The following AJAP1 variants were observed in gnomAD, a reference collection of about 807,000 sequenced individuals.
AJAP1 encodes adherens junctions associated protein 1.
A neutral mutation model predicts 35.0 loss-of-function variants in AJAP1; 5 were observed. The ratio of observed to expected loss-of-function variants is 0.14; its 90% CI spans 0.07 to 0.30. The LOEUF is 0.30. Among genes scored for constraint, AJAP1 ranks in the 10% least tolerant of loss-of-function variants. The probability of loss-of-function intolerance (pLI) is 1.00; values close to 1 mark genes in which losing one functional copy is unlikely to be tolerated. For synonymous variants in AJAP1, 284 were observed against 249.3 expected, an observed-to-expected ratio of 1.14 and a Z score of -1.31; for missense variants, 586 against 571.0, an observed-to-expected ratio of 1.03 and a Z score of -0.27.
chr1:4,680,293 G>A (rs888209812), intron 1 of AJAP1, among the ~76,000 whole-genome samples: 1 of 152,194 alleles, frequency 6.6e-6, no homozygotes, highest in Non-Finnish European at 1.5e-5. Context: ...GCACCCCGTA[G>A]CCCAGTCAAG....
At position 4,789,847 on chromosome 1, in the gene AJAP1, G is replaced by A. The variant is rs1642223517; in HGVS notation, c.*7362G>A. 6.6e-6 allele frequency: 1 copy of A among 150,650 alleles called. No individual in the cohort carries two copies. Among genetic ancestry groups the A allele is most frequent in the Non-Finnish European group, 1.5e-5 (1 of 67,836 alleles). 9.3% of individuals were successfully genotyped at this position (150,650 alleles called of 1,614,324 possible). ...CCATTATGTACGATGAAGACTTACA[G>A]CCACTGCTAATACAGCATAGGGGAC... On this transcript the variant is annotated 3_prime_UTR_variant, in exon 6 of 6. Coordinates refer to ENST00000378191, the MANE Select transcript of AJAP1 (RefSeq NM_018836.4). The surrounding 1 kb of genome is among the most constrained non-coding windows in gnomAD (Gnocchi z 4.4).
intron 2 of AJAP1, among the ~76,000 whole-genome samples, chr1:4,747,209 C>T (rs140653817): frequency 6.6e-6 from 1 of 152,178 alleles, no homozygotes; most frequent in East Asian, 1.9e-4. Flanking sequence ...CAGCCTCACT[C>T]CCTCCAGGAG....
At chr1:4,715,143 G>A (rs913382361) in intron 2 of AJAP1, among the ~76,000 whole-genome samples, 4 of 152,202 alleles carry the variant, frequency 2.6e-5, no homozygotes, top group South Asian at 4.1e-4. Flanking sequence ...GTCATCAGAT[G>A]CAGACCTGCG....
chr1:4,703,663 A>G (rs985616406), intron 1 of AJAP1, among the ~76,000 whole-genome samples: 1 of 152,160 alleles, frequency 6.6e-6, no homozygotes, highest in Non-Finnish European at 1.5e-5. Context: ...GGATGCTGAG[A>G]AAGAGGCCCA....
intron 1 of AJAP1, among the ~76,000 whole-genome samples, chr1:4,698,248 G>A (rs533633057): frequency 6.6e-6 from 1 of 152,008 alleles, no homozygotes; most frequent in African/African-American, 2.4e-5. Flanking sequence ...GCCTGAGGCC[G>A]GAGGACATGT....
chr1:4,711,396 A>C (rs184145225), intron 1 of AJAP1, among the ~76,000 whole-genome samples: 726 of 152,248 alleles, frequency 4.8e-3, no homozygotes, highest in African/African-American at 0.015. Flanking sequence ...GCGCTTCCCC[A>C]GTGGGCGGGG....
intron 1 of AJAP1, among the ~76,000 whole-genome samples, chr1:4,672,049 C>T (rs114418504): frequency 1.1e-4 from 17 of 152,328 alleles, no homozygotes; most frequent in African/African-American, 2.6e-4. Context: ...CTGAGACTCA[C>T]GGAGCTGCTT....
In AJAP1 at chr1:4,778,893, C is replaced by T. The variant is rs564769582; in HGVS notation, c.*60-3652C>T. Among the ~76,000 whole-genome samples, 393 of 152,298 alleles carry T rather than the reference C, an allele frequency of 2.6e-3. 1 individual carries two copies. Among genetic ancestry groups the T allele is most frequent in the Admixed American group, 4.4e-3 (68 of 15,294 alleles). ...TCACACCTCTGCCGCGTCTCTGAGC[C>T]TCATCCGGTGTTTTGATTCCCTACT... On this transcript the variant is annotated intron_variant, in intron 5 of 5. Coordinates refer to ENST00000378191, the MANE Select transcript of AJAP1 (RefSeq NM_018836.4).
intron 1 of AJAP1, among the ~76,000 whole-genome samples, chr1:4,702,136 T>C (rs1163860349): frequency 6.6e-6 from 1 of 151,952 alleles, no homozygotes; most frequent in Non-Finnish European, 1.5e-5. Context: ...GTGTCCCCAG[T>C]GTTCTCATGT....
chr1:4,760,355 GTGTGTGTGCA>G (rs1641536871), intron 2 of AJAP1, among the ~76,000 whole-genome samples: 1 of 152,036 alleles, frequency 6.6e-6, no homozygotes, highest in African/African-American at 2.4e-5. Flanking sequence ...GTGTGTATGA[GTGTGTGTGCA>G]TGTGTGTGTA....
intron 1 of AJAP1, among the ~76,000 whole-genome samples, chr1:4,697,252 G>A (rs1021038450): frequency 6.6e-6 from 1 of 152,264 alleles, no homozygotes; most frequent in African/African-American, 2.4e-5. Flanking sequence ...TTATGCACAT[G>A]TGACCTGTAT....
In AJAP1 at chr1:4,679,852, T is replaced by TGTAG. The variant is rs1553154879; in HGVS notation, c.29+24398_29+24399insGTAG. On this transcript the variant is annotated intron_variant, in intron 1 of 5. Transcript: ENST00000378191. ...GTGTGTGTGTGTGTGTGTGTGTGTG[T>TGTAG]AGAGAGAGATACTTACAAGGAGTTG... Among the ~76,000 whole-genome samples, 286 of 141,050 alleles carry TGTAG rather than the reference T, an allele frequency of 2.0e-3. 5 individuals are homozygous for TGTAG. In the East Asian group the frequency reaches 0.037, roughly 18 times the overall value. 92.5% of individuals were successfully genotyped at this position (141,050 alleles called of 152,430 possible). A position where few individuals can be genotyped will look rare whatever the true frequency, so the allele number is the denominator to read the frequency against.
intron 2 of AJAP1, among the ~76,000 whole-genome samples, chr1:4,741,275 C>A (rs1447330263): frequency 1.3e-5 from 2 of 152,208 alleles, no homozygotes; most frequent in Non-Finnish European, 2.9e-5. Flanking sequence ...AGTAGAAAGG[C>A]ATCCTCTCAC....
intron 2 of AJAP1, among the ~76,000 whole-genome samples, chr1:4,727,193 C>T (rs575361606): frequency 4.6e-5 from 7 of 152,310 alleles, no homozygotes; most frequent in South Asian, 2.1e-4. Context: ...AGGAGACGAA[C>T]GCTGCATCTT....
chr1:4,763,624 C>G (rs1641618747), intron 2 of AJAP1, among the ~76,000 whole-genome samples: 1 of 152,196 alleles, frequency 6.6e-6, no homozygotes, highest in Non-Finnish European at 1.5e-5. Context: ...GATCCGCATT[C>G]AGCCATGTGG....
chr1:4,784,928 A>G lies in AJAP1; in HGVS notation c.*2443A>G, dbSNP rs1642136824. 6.6e-6 allele frequency: 1 copy of G among 152,656 alleles called. No homozygotes were observed. The highest frequency in any genetic ancestry group is 2.4e-5 in the African/African-American group (1 of 41,440). The allele number at this position is 152,656 out of a possible 1,614,324, so 9.5% of individuals were successfully genotyped here. On this transcript the variant is annotated 3_prime_UTR_variant, in exon 6 of 6. Transcript: ENST00000378191. ...CTCCAGGTGAGCACAGCGTGGTGCG[A>G]GTGCATGGTGAGGGCTGGCGGCGGC...
rs536471356 is a variant in AJAP1 at position 4,712,437 on chromosome 1, G to T, written c.567G>T (p.Glu189Asp). 2 of 1,606,258 alleles carry T rather than the reference G, an allele frequency of 1.2e-6. No individual in the cohort carries two copies. Among genetic ancestry groups the T allele is most frequent in the Non-Finnish European group, 1.7e-6 (2 of 1,176,622 alleles). ...EFIAWGPTGD[E>D]EALESNTFPG... The stretch of plus-strand genomic sequence containing the variant: ...TCGCCTGGGGGCCCACGGGGGACGA[G>T]GAGGCCCTGGAGTCCAACACATTTC... The change falls in exon 2 of 6, where the codon GAG (glutamate) becomes GAT (aspartate). Residue 189 changes from glutamate to aspartate, a missense_variant. Glu to Asp is a conservative substitution (Grantham distance 45). Coordinates refer to ENST00000378191, the MANE Select transcript of AJAP1 (RefSeq NM_018836.4).
chr1:4,755,536 C>T (rs550932812), intron 2 of AJAP1, among the ~76,000 whole-genome samples: 22 of 152,056 alleles, frequency 1.4e-4, no homozygotes, highest in Non-Finnish European at 2.8e-4. Flanking sequence ...TAAGCTGCCC[C>T]CACCCCCACC....
chr1:4,693,363 T>C lies in AJAP1; in HGVS notation c.30-18537T>C, dbSNP rs1307566529. Among the ~76,000 whole-genome samples, 1 of 75,128 alleles carries C rather than the reference T, an allele frequency of 1.3e-5. No individual in the cohort carries two copies. Among genetic ancestry groups the C allele is most frequent in the Non-Finnish European group, 2.6e-5 (1 of 38,728 alleles). The allele number at this position is 75,128 out of a possible 152,430, so 49.3% of individuals were successfully genotyped here. On this transcript the variant is annotated intron_variant, in intron 1 of 5. Coordinates refer to ENST00000378191, the MANE Select transcript of AJAP1 (RefSeq NM_018836.4). This position sits in a 1 kb window ranked among gnomAD's most constrained non-coding sequence, Gnocchi z 4.4. ...GAACCCCATGGGGGACTGGGAGTCA[T>C]GGAGGGCTTCCTGGAGGCAGGGGGC... is the stretch of plus-strand genomic sequence containing the variant.
Sources: gnomAD v4.1 joint callset for allele counts (sites outside exome capture counted in the v4.1 genomes callset) on GRCh38, gnomAD v4.1.1 for gene constraint, Gnocchi (gnomAD v3.1) non-coding constraint, MANE v1.5 for transcripts, NCBI Gene and HGNC (gene_info 2026-07-23, HGNC 2026-07-21) for gene names.